Variants in CLASP1 observed in about 807,000 individuals in gnomAD.
The protein encoded by CLASP1 is CLIP-associating protein 1.
CLASP1 carries 38 observed loss-of-function variants against 192.3 expected under a neutral mutation model. The ratio of observed to expected loss-of-function variants is 0.20; its 90% confidence interval spans 0.15 to 0.26. The LOEUF (loss-of-function observed/expected upper bound fraction) is 0.26. CLASP1 is among the 10% of genes least tolerant of loss of function. The probability of loss-of-function intolerance (pLI) is 1.00; values close to 1 mark genes in which losing one functional copy is unlikely to be tolerated. For synonymous variants in CLASP1, 691 were observed against 712.8 expected (o/e 0.97, Z 0.49); for missense variants, 1,433 against 1,932.5 (o/e 0.74, Z 4.85).
At chr2:121,541,519 T>A (rs1033069917) in intron 2 of CLASP1, among the ~76,000 whole-genome samples, 1 of 152,210 alleles carries the variant, frequency 6.6e-6, no homozygotes, top group African/African-American at 2.4e-5. Flanking sequence ...TATAACATAA[T>A]AATGATATAC....
At chr2:121,338,086 T>C (rs1384842703) in exon 40 of CLASP1, 2 of 152,480 alleles carry the variant, frequency 1.3e-5, no homozygotes, top group South Asian at 4.1e-4. Context: ...CAAACATTAT[T>C]GTTAGCAAAG....
intron 8 of CLASP1, among the ~76,000 whole-genome samples, chr2:121,477,133 T>C (rs2091724092): frequency 6.6e-6 from 1 of 152,228 alleles, no homozygotes; most frequent in Admixed American, 6.5e-5. Context: ...TCTCTGTCCC[T>C]GGAGTAGGGA....
chr2:121,637,587 TA>T (rs985417090), intron 1 of CLASP1, among the ~76,000 whole-genome samples: 2 of 151,738 alleles, frequency 1.3e-5, no homozygotes, highest in South Asian at 2.1e-4. Context: ...ACACAAAGCT[TA>T]AAAAAAAATT....
chr2:121,583,347 C>T (rs1235414097), intron 2 of CLASP1, among the ~76,000 whole-genome samples: 1 of 152,122 alleles, frequency 6.6e-6, no homozygotes, highest in Admixed American at 6.5e-5. Flanking sequence ...ATTCAAATTC[C>T]AGTTAAATGC....
chr2:121,571,667 C>G (rs1444386605), intron 2 of CLASP1, among the ~76,000 whole-genome samples: 1 of 152,128 alleles, frequency 6.6e-6, no homozygotes, highest in African/African-American at 2.4e-5. Context: ...ACCATTTAAG[C>G]TGAGTCTTCA....
intron 2 of CLASP1, among the ~76,000 whole-genome samples, chr2:121,541,151 C>T (rs1022655540): frequency 1.3e-5 from 2 of 152,160 alleles, no homozygotes; most frequent in Non-Finnish European, 2.9e-5. Flanking sequence ...GAACAGTTAT[C>T]TTTCCAGAAC....
At chr2:121,589,820 A>G (rs2062174499) in intron 2 of CLASP1, among the ~76,000 whole-genome samples, 1 of 151,960 alleles carries the variant, frequency 6.6e-6, no homozygotes, top group African/African-American at 2.4e-5. Context: ...AGATAAATCA[A>G]TATTATCCTC....
intron 8 of CLASP1, chr2:121,470,781 T>G (rs1461790150): frequency 3.0e-6 from 1 of 333,990 alleles, no homozygotes; most frequent in Non-Finnish European, 5.8e-6. Flanking sequence ...TAAATGTACA[T>G]TTCTCCTAGA....
intron 8 of CLASP1, among the ~76,000 whole-genome samples, chr2:121,487,892 T>C (rs2093073300): frequency 6.6e-6 from 1 of 152,354 alleles, no homozygotes; most frequent in South Asian, 2.1e-4. Flanking sequence ...ATTTTATACT[T>C]TGGGTTAAAA....
intron 2 of CLASP1, among the ~76,000 whole-genome samples, chr2:121,578,940 C>A (rs1311689060): frequency 6.6e-6 from 1 of 152,122 alleles, no homozygotes; most frequent in Non-Finnish European, 1.5e-5. Flanking sequence ...AAAATTCATC[C>A]TGTTAAAGTG....
At chr2:121,432,896 T>C (rs2081671301) in intron 19 of CLASP1, among the ~76,000 whole-genome samples, 1 of 152,206 alleles carries the variant, frequency 6.6e-6, no homozygotes, top group Non-Finnish European at 1.5e-5. Context: ...TTTTACTTCT[T>C]TGCCTTTATT....
intron 2 of CLASP1, among the ~76,000 whole-genome samples, chr2:121,593,957 G>A (rs532455221): frequency 2.0e-5 from 3 of 150,370 alleles, no homozygotes; most frequent in Non-Finnish European, 3.0e-5. Flanking sequence ...GCGGTGAGCC[G>A]AGATCGCGCC....
intron 19 of CLASP1, 137 bp downstream of exon 19, chr2:121,447,200 C>T (rs892628976): frequency 5.1e-5 from 41 of 796,222 alleles, no homozygotes; most frequent in Admixed American, 3.5e-4. Context: ...AGCAAGTGCA[C>T]GAAGCTACTT....
chr2:121,432,581 G>C (rs1435944882), intron 19 of CLASP1, among the ~76,000 whole-genome samples: 1 of 152,148 alleles, frequency 6.6e-6, no homozygotes, highest in African/African-American at 2.4e-5. Context: ...AAGGGGAAAA[G>C]CTTTATAATA....
At chr2:121,384,015 C>T (rs1462219962) in intron 32 of CLASP1, among the ~76,000 whole-genome samples, 1 of 146,642 alleles carries the variant, frequency 6.8e-6, no homozygotes, top group East Asian at 2.0e-4. Context: ...TATACACACA[C>T]ACACACACAC....
At chr2:121,557,315 GT>G (rs1181157600) in intron 2 of CLASP1, among the ~76,000 whole-genome samples, 1 of 152,186 alleles carries the variant, frequency 6.6e-6, no homozygotes, top group African/African-American at 2.4e-5. Flanking sequence ...GCCAGGCTTG[GT>G]GGCTCACACC....
intron 2 of CLASP1, among the ~76,000 whole-genome samples, chr2:121,575,478 C>CATGAAAATG (rs2060423424): frequency 6.6e-6 from 1 of 152,102 alleles, no homozygotes; most frequent in Admixed American, 6.6e-5. Context: ...TAAGTAAAAG[C>CATGAAAATG]ATGAAAATGT....
chr2:121,351,279 C>G (rs1179327570), intron 37 of CLASP1, among the ~76,000 whole-genome samples: 1 of 152,220 alleles, frequency 6.6e-6, no homozygotes, highest in Non-Finnish European at 1.5e-5. Context: ...CCTATCAGAC[C>G]AGTGACACTT....
chr2:121,500,924 C>T (rs750022505), intron 8 of CLASP1, among the ~76,000 whole-genome samples: 4 of 152,130 alleles, frequency 2.6e-5, no homozygotes, highest in Non-Finnish European at 5.9e-5. Flanking sequence ...TGCACGTGCA[C>T]ACACACATAA....
Sources: gnomAD v4.1 joint callset for allele counts (sites outside exome capture counted in the v4.1 genomes callset) on GRCh38, gnomAD v4.1.1 for gene constraint, MANE v1.5 for transcripts, NCBI Gene and HGNC (gene_info 2026-07-23, HGNC 2026-07-21) for gene names.